Variants in GRIK2 observed in about 807,000 individuals in gnomAD.
GRIK2 encodes the protein glutamate ionotropic receptor kainate type subunit 2, also known as glutamate receptor ionotropic, kainate 2.
GRIK2 carries 32 observed loss-of-function variants against 100.3 expected under a neutral mutation model. That is an observed-to-expected ratio of 0.32 (90% CI 0.24 to 0.43). The LOEUF is 0.43. Ranked by LOEUF, GRIK2 falls within the 20% of genes least tolerant of loss-of-function variation. The pLI, the probability that GRIK2 is intolerant of heterozygous loss-of-function variation, is 1.00. For missense variants in GRIK2, 843 were observed against 1,114.9 expected (o/e 0.76, Z 3.47); for synonymous variants, 417 against 389.4 (o/e 1.07, Z -0.83).
intron 15 of GRIK2, among the ~76,000 whole-genome samples, chr6:102,051,146 C>T (rs1164270786): frequency 6.6e-6 from 1 of 152,074 alleles, no homozygotes; most frequent in East Asian, 1.9e-4. Flanking sequence ...GCCTCTATAC[C>T]TCCTTTGAGG....
At position 101,632,497 on chromosome 6, in the gene GRIK2, C is replaced by G. The variant is rs1953678; in HGVS notation, c.541+5860C>G. Among the ~76,000 whole-genome samples the G allele has an allele frequency of 6.2e-3, 936 of 152,122 alleles. 13 individuals carry two copies. Among genetic ancestry groups the G allele is most frequent in the African/African-American group, 0.021 (891 of 41,502 alleles). ...GCCAAAGTCAAATTTGGTTAAGTAG[C>G]CTTTAACTACTTGCCAAGGAATAAA... On this transcript the variant is annotated intron_variant, in intron 4 of 16. Transcript: ENST00000369134.
At chr6:101,526,141 G>A (rs1341312057) in intron 2 of GRIK2, among the ~76,000 whole-genome samples, 1 of 152,174 alleles carries the variant, frequency 6.6e-6, no homozygotes, top group Non-Finnish European at 1.5e-5. Flanking sequence ...ATGGCTCACT[G>A]TGTGTTATCC....
chr6:101,463,989 C>A (rs1307685700), intron 2 of GRIK2, among the ~76,000 whole-genome samples: 1 of 152,220 alleles, frequency 6.6e-6, no homozygotes, highest in African/African-American at 2.4e-5. Flanking sequence ...CCTGGTCCTT[C>A]AATGCATAGT....
intron 7 of GRIK2, among the ~76,000 whole-genome samples, chr6:101,760,467 AAT>A (rs1777465911): frequency 4.0e-5 from 1 of 25,128 alleles, no homozygotes; most frequent in Non-Finnish European, 6.9e-5. Flanking sequence ...AATTATATTT[AAT>A]TATATATTTA....
At chr6:101,520,288 A>T (rs2128281167) in intron 2 of GRIK2, among the ~76,000 whole-genome samples, 1 of 151,672 alleles carries the variant, frequency 6.6e-6, no homozygotes, top group South Asian at 2.1e-4. Context: ...TTCTTCCTTA[A>T]TTTTGAATGT....
At chr6:101,939,079 G>T (rs1002720531) in intron 14 of GRIK2, among the ~76,000 whole-genome samples, 1 of 151,898 alleles carries the variant, frequency 6.6e-6, no homozygotes, top group African/African-American at 2.4e-5. Flanking sequence ...TGAGCTTATG[G>T]TTCATTTCAA....
intron 16 of GRIK2, among the ~76,000 whole-genome samples, chr6:102,056,033 G>A (rs1771447748): frequency 6.6e-6 from 1 of 151,720 alleles, no homozygotes; most frequent in Admixed American, 6.6e-5. Flanking sequence ...TATCTGAATA[G>A]CTTTAGTCCA....
In GRIK2 at chr6:102,062,294, A is replaced by T. The variant is rs559181350; in HGVS notation, c.2563-6053A>T. On this transcript the variant is annotated intron_variant, in intron 16 of 16. Coordinates refer to ENST00000369134, the MANE Select transcript of GRIK2 (RefSeq NM_021956.5). ...CTCATAATTTTTTTCTGTCTGCTGT[A>T]TAATTTAGTATTCAAAAAATTTACA... 2.5e-4 allele frequency among the ~76,000 whole-genome samples: 38 copies of T among 150,654 alleles called. No homozygotes were observed. The South Asian group carries it at 7.7e-3, about 30-fold the overall frequency.
chr6:101,798,539 T>C (rs1374457404), intron 7 of GRIK2, among the ~76,000 whole-genome samples: 1 of 152,100 alleles, frequency 6.6e-6, no homozygotes, highest in East Asian at 1.9e-4. Flanking sequence ...CCATTTTATG[T>C]GGTATAGCTC....
intron 7 of GRIK2, among the ~76,000 whole-genome samples, chr6:101,780,149 C>T (rs1433457249): frequency 1.3e-5 from 2 of 151,782 alleles, no homozygotes; most frequent in Non-Finnish European, 2.9e-5. Flanking sequence ...CAAGATTTGA[C>T]TTAGGGACTA....
intron 2 of GRIK2, among the ~76,000 whole-genome samples, chr6:101,543,965 T>G (rs532241135): frequency 1.3e-5 from 2 of 152,164 alleles, no homozygotes; most frequent in East Asian, 3.9e-4. Context: ...GAGTATAATA[T>G]AGCAGAAGAA....
At chr6:101,645,384 C>T (rs1259542108) in intron 4 of GRIK2, among the ~76,000 whole-genome samples, 17 of 151,792 alleles carry the variant, frequency 1.1e-4, no homozygotes, top group South Asian at 8.3e-4. Flanking sequence ...TTATAACTAG[C>T]CATCATCAAT....
At chr6:101,820,904 T>C (rs1199080871) in intron 10 of GRIK2, among the ~76,000 whole-genome samples, 1 of 152,214 alleles carries the variant, frequency 6.6e-6, no homozygotes, top group Non-Finnish European at 1.5e-5. Flanking sequence ...GAATACTCCA[T>C]CATGGCATTA....
chr6:101,656,947 G>A (rs1348357013), intron 4 of GRIK2, among the ~76,000 whole-genome samples: 1 of 152,204 alleles, frequency 6.6e-6, no homozygotes, highest in African/African-American at 2.4e-5. Context: ...TTTGGAGAAA[G>A]ACTTCCAGGG....
At chr6:101,879,982 A>G (rs368477725) in intron 11 of GRIK2, among the ~76,000 whole-genome samples, 8 of 152,124 alleles carry the variant, frequency 5.3e-5, no homozygotes, top group African/African-American at 9.6e-5. Flanking sequence ...TGCTGACTCA[A>G]TAGGGCCCTA....
At chr6:101,443,719 A>C (rs188379050) in intron 2 of GRIK2, among the ~76,000 whole-genome samples, 1 of 152,172 alleles carries the variant, frequency 6.6e-6, no homozygotes, top group Admixed American at 6.5e-5. Flanking sequence ...TCTGAACTGA[A>C]TCAAGGTAAT....
chr6:101,812,574 C>A (rs929465610), intron 9 of GRIK2, among the ~76,000 whole-genome samples: 6 of 151,466 alleles, frequency 4.0e-5, no homozygotes, highest in African/African-American at 1.5e-4. Context: ...CATATAAAGC[C>A]CGTAGGATGT....
At chr6:102,045,006 C>T (rs2782919) in intron 15 of GRIK2, among the ~76,000 whole-genome samples, 41,982 of 151,732 alleles carry the variant, frequency 0.28, 5,912 homozygotes, top group Non-Finnish European at 0.31. Flanking sequence ...GTATCTTTTT[C>T]TCCATTAAGA....
intron 2 of GRIK2, among the ~76,000 whole-genome samples, chr6:101,420,678 C>T (rs566365888): frequency 3.3e-5 from 5 of 152,280 alleles, no homozygotes; most frequent in Admixed American, 2.6e-4. Context: ...ATTTGTTAAA[C>T]AGCAACTCTG....
Sources: allele counts gnomAD v4.1 joint callset (sites outside exome capture counted in the v4.1 genomes callset), GRCh38; gene constraint gnomAD v4.1.1; transcripts MANE v1.5; gene names NCBI Gene and HGNC (gene_info 2026-07-23, HGNC 2026-07-21).